Variants in CPNE7 observed in about 807,000 individuals in gnomAD.
CPNE7 encodes the protein copine 7.
A neutral mutation model predicts 66.5 loss-of-function variants in CPNE7; 78 were observed. The observed-to-expected ratio is 1.17, with a 90% CI of 0.98 to 1.42. CPNE7 has a LOEUF of 1.42. Among genes scored for constraint, CPNE7 ranks in the 40% most tolerant of loss-of-function variants. The pLI is 0.00. For missense variants in CPNE7, 1,012 were observed against 776.6 expected (o/e 1.30, Z -3.60); for synonymous variants, 468 against 336.7 (o/e 1.39, Z -4.27).
At chr16:89,596,343 G>A (rs781153696) in intron 14 of CPNE7, 141 bp from the exon 15 acceptor site, 16 of 1,168,128 alleles carry the variant, frequency 1.4e-5, no homozygotes, top group African/African-American at 3.1e-5. Context: ...AGTCTTGCCC[G>A]GCACCCAGGT....
At chr16:89,588,858 C>A (rs774138279) in intron 10 of CPNE7, 50 bp downstream of exon 10, 3 of 1,603,362 alleles carry the variant, frequency 1.9e-6, no homozygotes, top group Non-Finnish European at 2.6e-6. Flanking sequence ...TCAGCTATGA[C>A]AGGTGCGCCT....
At chr16:89,590,032 G>A (rs2059144988) in intron 11 of CPNE7, 81 bp downstream of exon 11, 3 of 1,491,180 alleles carry the variant, frequency 2.0e-6, no homozygotes, top group Admixed American at 3.7e-5. Flanking sequence ...GGCCCAGGGA[G>A]CCCTGGCTGC....
intron 13 of CPNE7, among the ~76,000 whole-genome samples, chr16:89,591,934 C>T (rs1190805586): frequency 2.0e-5 from 3 of 151,930 alleles, no homozygotes; most frequent in African/African-American, 7.3e-5. Flanking sequence ...CTCCTGACCT[C>T]ATGATCCACC....
intron 11 of CPNE7, 24 bp downstream of exon 11, chr16:89,589,975 C>A: frequency 6.2e-7 from 1 of 1,612,892 alleles, no homozygotes; most frequent in Non-Finnish European, 8.5e-7. Flanking sequence ...GAACCTGAGA[C>A]CTCAGAGCTG....
Position 89,584,923 on chromosome 16 carries a change from G to C in CPNE7, c.591+66G>C. 1.4e-6 allele frequency: 2 copies of C among 1,413,476 alleles called. No homozygotes were observed. Among genetic ancestry groups the C allele is most frequent in the Non-Finnish European group, 2.0e-6 (2 of 1,006,844 alleles). 87.6% of individuals were successfully genotyped at this position (1,413,476 alleles called of 1,614,324 possible). On this transcript the variant is annotated intron_variant, in intron 5 of 14. Coordinates refer to ENST00000319518, the MANE Select transcript of CPNE7 (RefSeq NM_153636.3). The surrounding 1 kb of genome is among the most constrained non-coding windows in gnomAD (Gnocchi z 6.0). ...TGTCCCCAGCCCTCACGCATCTCTG[G>C]CCACATGGGAGGAGCTCCCAGCCTC...
At chr16:89,590,068 T>G (rs1458991391) in intron 11 of CPNE7, 117 bp downstream of exon 11, 2 of 1,216,028 alleles carry the variant, frequency 1.6e-6, no homozygotes, top group East Asian at 5.0e-5. Flanking sequence ...GACTGTAGGA[T>G]GGGATTGGGG....
chr16:89,589,148 T>C (rs559870153), intron 10 of CPNE7, among the ~76,000 whole-genome samples: 2 of 152,238 alleles, frequency 1.3e-5, no homozygotes, highest in Admixed American at 6.5e-5. Flanking sequence ...AAAAATTAGC[T>C]GGGCGTGGTG....
rs758258507 is a variant in CPNE7 at position 89,595,556 on chromosome 16, G to A, written c.1492G>A (p.Ala498Thr). 24 of 1,611,858 alleles carry A rather than the reference G, an allele frequency of 1.5e-5. No individual in the cohort carries two copies. Among genetic ancestry groups the A allele is most frequent in the East Asian group, 8.9e-5 (4 of 44,866 alleles). ...CCTGCGCTCCCCACGGGGTGAGCCC[G>A]CGCTCCGGGACATCGTACAGTTCGT... ...GVLRSPRGEP[A>T]LRDIVQFVPF... The change falls in exon 14 of 15, where the codon GCG becomes ACG. Residue 498 changes from alanine (A) to threonine (T), a missense_variant. Transcript: ENST00000319518.
chr16:89,587,655 C>G, intron 9 of CPNE7: 1 of 442,392 alleles, frequency 2.3e-6, no homozygotes, highest in Non-Finnish European at 4.6e-6. Flanking sequence ...CCGTGTCACC[C>G]CCATGTCACC....
chr16:89,578,951 C>T lies in CPNE7; in HGVS notation c.357+1230C>T, dbSNP rs373648106. 3.9e-5 allele frequency: 63 copies of T among 1,612,548 alleles called. No individual in the cohort carries two copies. The highest frequency in any genetic ancestry group is 1.9e-4 in the South Asian group (17 of 90,974). The stretch of plus-strand genomic sequence containing the variant: ...TGCGCTAAGCACTTCCTGTGCTGCA[C>T]GGAATCCTCACACCTTGCCAGGACG... On this transcript the variant is annotated intron_variant, in intron 2 of 14. Coordinates refer to ENST00000319518, the MANE Select transcript of CPNE7 (RefSeq NM_153636.3).
At chr16:89,592,159 C>T (rs1457927660) in intron 13 of CPNE7, among the ~76,000 whole-genome samples, 1 of 148,096 alleles carries the variant, frequency 6.8e-6, no homozygotes, top group Non-Finnish European at 1.5e-5. Flanking sequence ...CAGGCGCCCA[C>T]CATCATGCCC....
At chr16:89,590,021 T>G in intron 11 of CPNE7, 70 bp downstream of exon 11, 2 of 1,565,416 alleles carry the variant, frequency 1.3e-6, no homozygotes, top group Non-Finnish European at 1.7e-6. Context: ...GAGGACGGCC[T>G]GGCCCAGGGA....
At chr16:89,591,363 C>A (rs578111533) in intron 13 of CPNE7, 103 bp downstream of exon 13, 5 of 1,415,160 alleles carry the variant, frequency 3.5e-6, no homozygotes, top group Middle Eastern at 2.5e-4. Flanking sequence ...ACAGCCAGCG[C>A]AGAGGCCCCC....
chr16:89,591,116 GCCCCCCAC>G lies in CPNE7; in HGVS notation c.1169-10_1169-3del. ...TGCAGGGGGGCCGGGCTCACCCCCT[GCCCCCCAC>G]AGGCATCCAGGGCGTGGTGGAGGCC... is the stretch of plus-strand genomic sequence containing the variant. On this transcript the variant is annotated splice_polypyrimidine_tract_variant and splice_region_variant and intron_variant, in intron 12 of 14. Transcript: ENST00000319518. The G allele has an allele frequency of 2.5e-6, 4 of 1,612,752 alleles. No homozygotes were observed. Among genetic ancestry groups the G allele is most frequent in the Non-Finnish European group, 3.4e-6 (4 of 1,179,690 alleles).
At chr16:89,581,166 C>T (rs1305169651) in intron 2 of CPNE7, among the ~76,000 whole-genome samples, 1 of 151,728 alleles carries the variant, frequency 6.6e-6, no homozygotes, top group Non-Finnish European at 1.5e-5. Flanking sequence ...CGTCACCCGT[C>T]ACACGGAACA....
intron 2 of CPNE7, among the ~76,000 whole-genome samples, chr16:89,577,949 A>C (rs2058886617): frequency 6.6e-6 from 1 of 152,188 alleles, no homozygotes; most frequent in Non-Finnish European, 1.5e-5. Context: ...AAGGCTGTGG[A>C]GCGCCTCCAT....
Position 89,595,413 on chromosome 16 carries a change from T to A in CPNE7, c.1349T>A (p.Met450Lys). ...LILTDGVVTD[M>K]ADTREAIVRA... ...CTGACGGACGGCGTGGTGACCGACA[T>A]GGCCGACACACGGGAGGCCATTGTG... is the stretch of plus-strand genomic sequence containing the variant. Residue 450 changes from methionine (M) to lysine (K), a missense_variant, in exon 14 of 15, where the codon ATG (methionine) becomes AAG (lysine). Physicochemically the swap from Met to Lys is moderately conservative, Grantham distance 95. Coordinates refer to ENST00000319518, the MANE Select transcript of CPNE7 (RefSeq NM_153636.3). 6.2e-7 allele frequency: 1 copy of A among 1,600,328 alleles called. No homozygotes were observed. Among genetic ancestry groups the A allele is most frequent in the Non-Finnish European group, 8.5e-7 (1 of 1,170,528 alleles).
At chr16:89,577,802 G>A (rs978388134) in intron 2 of CPNE7, 81 bp downstream of exon 2, 31 of 1,442,670 alleles carry the variant, frequency 2.1e-5, no homozygotes, top group East Asian at 9.9e-5. Flanking sequence ...TACCAGCACC[G>A]CAGGGACCCT....
intron 2 of CPNE7, chr16:89,578,837 C>G (rs747309371): frequency 1.3e-6 from 2 of 1,597,960 alleles, no homozygotes; most frequent in Non-Finnish European, 1.7e-6. Flanking sequence ...GTGATGCTCT[C>G]TGGGTTACGG....
Sources: gnomAD v4.1 joint callset for allele counts (sites outside exome capture counted in the v4.1 genomes callset) on GRCh38, gnomAD v4.1.1 for gene constraint, Gnocchi (gnomAD v3.1) non-coding constraint, MANE v1.5 for transcripts, NCBI Gene and HGNC (gene_info 2026-07-23, HGNC 2026-07-21) for gene names.